ARHGAP19: variants seen among roughly 807,000 people sequenced by gnomAD.
ARHGAP19 encodes the protein rho GTPase-activating protein 19.
ARHGAP19 carries 48 observed loss-of-function variants against 60.9 expected under a neutral mutation model. That is an observed-to-expected ratio of 0.79 (90% CI 0.62 to 1.00). ARHGAP19 has a LOEUF of 1.00. Ranked by LOEUF, ARHGAP19 falls within the 50% of genes least tolerant of loss-of-function variation. The pLI is 0.00. For synonymous variants in ARHGAP19, 209 were observed against 215.5 expected (o/e 0.97, Z 0.27); for missense variants, 562 against 597.2 (o/e 0.94, Z 0.61).
At chr10:97,279,808 T>C (rs1336235715) in intron 1 of ARHGAP19, among the ~76,000 whole-genome samples, 1 of 152,120 alleles carries the variant, frequency 6.6e-6, no homozygotes, top group African/African-American at 2.4e-5. Context: ...AAACTAATAA[T>C]ACAACTTAAC....
chr10:97,226,762 A>G lies in ARHGAP19; in HGVS notation c.1475-630T>C, dbSNP rs553444532. 2.0e-5 allele frequency among the ~76,000 whole-genome samples: 3 copies of G among 152,386 alleles called. No homozygotes were observed. In the East Asian group the frequency reaches 5.8e-4, roughly 29 times the overall value. Reference sequence around the variant, plus strand: ...TCATACTAAGTGTCAATATTTTTGTAGCATTAATAAGTTCAAAGGAAAAAG... The same window carrying G: ...TCATACTAAGTGTCAATATTTTTGTGGCATTAATAAGTTCAAAGGAAAAAG... On this transcript the variant is annotated intron_variant, in intron 11 of 11. Transcript: ENST00000358531.
chr10:97,262,229 A>G (rs2134883132), intron 4 of ARHGAP19, among the ~76,000 whole-genome samples: 1 of 151,028 alleles, frequency 6.6e-6, no homozygotes, highest in Admixed American at 6.6e-5. Flanking sequence ...AACACTAACC[A>G]GTGTTACTGG....
intron 1 of ARHGAP19, among the ~76,000 whole-genome samples, chr10:97,276,837 T>G (rs1306975644): frequency 6.7e-4 from 4 of 5,926 alleles, no homozygotes; most frequent in African/African-American, 9.1e-4. Flanking sequence ...TGGGGGGGGG[T>G]CAGCCCCCCT....
At chr10:97,249,577 G>C (rs1475693307) in intron 6 of ARHGAP19, among the ~76,000 whole-genome samples, 1 of 152,032 alleles carries the variant, frequency 6.6e-6, no homozygotes, top group Non-Finnish European at 1.5e-5. Context: ...CTACAACACA[G>C]TTAACTTGAT....
rs780490667 is a variant in ARHGAP19 at position 97,256,280 on chromosome 10, T to C, written c.927+38A>G. On this transcript the variant is annotated intron_variant, in intron 6 of 11. Transcript: ENST00000358531. Reference sequence around the variant, plus strand: ...TAGGATCCCACCTTGCTCCATTTTCTTTGTCCTGTTACCAGCCAAATGCTA... The same window carrying C: ...TAGGATCCCACCTTGCTCCATTTTCCTTGTCCTGTTACCAGCCAAATGCTA... 3 of 1,496,348 alleles carry C rather than the reference T, an allele frequency of 2.0e-6. No homozygotes were observed. The Admixed American group carries it at 5.0e-5, about 25-fold the overall frequency. The allele number at this position is 1,496,348 out of a possible 1,614,324, so 92.7% of individuals were successfully genotyped here.
At chr10:97,231,264 G>C (rs1851011411) in intron 9 of ARHGAP19, among the ~76,000 whole-genome samples, 1 of 151,890 alleles carries the variant, frequency 6.6e-6, no homozygotes, top group Non-Finnish European at 1.5e-5. Context: ...GCACTTTTAG[G>C]ATTCTAGCTA....
intron 1 of ARHGAP19, chr10:97,270,765 C>T: frequency 1.7e-6 from 2 of 1,177,054 alleles, no homozygotes. Flanking sequence ...CATTATGGGG[C>T]CTGAAAGGCA....
chr10:97,238,237 G>A (rs948503070), intron 8 of ARHGAP19, among the ~76,000 whole-genome samples: 2 of 152,064 alleles, frequency 1.3e-5, no homozygotes, highest in South Asian at 2.1e-4. Flanking sequence ...ACGGGGTCTC[G>A]CTCTGTTGCC....
At chr10:97,238,257 G>C (rs928336924) in intron 8 of ARHGAP19, among the ~76,000 whole-genome samples, 11 of 152,208 alleles carry the variant, frequency 7.2e-5, no homozygotes, top group African/African-American at 2.7e-4. Flanking sequence ...CCAGGCTGGA[G>C]TGCAGTGGTG....
At chr10:97,251,320 G>GA (rs1842651436) in intron 6 of ARHGAP19, among the ~76,000 whole-genome samples, 1 of 45,818 alleles carries the variant, frequency 2.2e-5, no homozygotes, top group African/African-American at 9.4e-5. Flanking sequence ...GGAAGGGGAA[G>GA]GGAAGGGGAA....
intron 4 of ARHGAP19, among the ~76,000 whole-genome samples, chr10:97,261,515 A>G (rs1842829447): frequency 1.3e-5 from 2 of 152,176 alleles, no homozygotes; most frequent in Admixed American, 1.3e-4. Flanking sequence ...TTGTAAAAAG[A>G]ATATTTTCCA....
chr10:97,226,212 G>A (rs1850892134), intron 11 of ARHGAP19, 80 bp from the exon 12 acceptor site: 9 of 1,409,582 alleles, frequency 6.4e-6, no homozygotes, highest in Non-Finnish European at 7.9e-6. Context: ...AAAGCTACAG[G>A]GTCTACACTT....
chr10:97,270,781 T>C (rs1842951001), intron 1 of ARHGAP19: 3 of 947,016 alleles, frequency 3.2e-6, no homozygotes, highest in Non-Finnish European at 4.6e-6. Flanking sequence ...AGGCAGTACT[T>C]AGGACTCTGA....
chr10:97,265,857 T>TA lies in ARHGAP19; in HGVS notation c.322+2dup. ...GCCCACCCTTCACAAACACATCTCCTACCCTTTCGCTTGAGAGACATGAGA... is the reference window on the plus strand; with the variant it reads ...GCCCACCCTTCACAAACACATCTCCTAACCCTTTCGCTTGAGAGACATGAGA... On this transcript the variant is annotated splice_region_variant and intron_variant, in intron 2 of 11. Transcript: ENST00000358531. 1 of 1,614,072 alleles carries TA rather than the reference T, an allele frequency of 6.2e-7. No individual in the cohort carries two copies. Among genetic ancestry groups the TA allele is most frequent in the Non-Finnish European group, 8.5e-7 (1 of 1,179,968 alleles).
At chr10:97,286,852 T>C (rs1843162847) in intron 1 of ARHGAP19, among the ~76,000 whole-genome samples, 1 of 152,236 alleles carries the variant, frequency 6.6e-6, no homozygotes, top group African/African-American at 2.4e-5. Flanking sequence ...GAGAAGTAGC[T>C]TTATTTCATT....
At chr10:97,251,296 A>G in intron 6 of ARHGAP19, among the ~76,000 whole-genome samples, 1 of 49,304 alleles carries the variant, frequency 2.0e-5, no homozygotes. Context: ...AAGGAAGGGA[A>G]GGGGAAAAGG....
chr10:97,273,872 A>C (rs1842991008), intron 1 of ARHGAP19, among the ~76,000 whole-genome samples: 1 of 152,168 alleles, frequency 6.6e-6, no homozygotes, highest in Non-Finnish European at 1.5e-5. Flanking sequence ...TTTGTAATGG[A>C]ATATTACACA....
chr10:97,288,607 A>AC (rs1443066206), intron 1 of ARHGAP19, among the ~76,000 whole-genome samples: 3 of 149,902 alleles, frequency 2.0e-5, no homozygotes, highest in Admixed American at 6.7e-5. Context: ...AAGAACAACA[A>AC]AAAAAAAAGA....
chr10:97,233,039 C>A (rs1440403657), intron 9 of ARHGAP19, among the ~76,000 whole-genome samples: 2 of 152,054 alleles, frequency 1.3e-5, no homozygotes, highest in East Asian at 3.8e-4. Context: ...ATCCCAGCTA[C>A]TAGGGAGGCT....
Sources: gnomAD v4.1 joint callset for allele counts (sites outside exome capture counted in the v4.1 genomes callset) on GRCh38, gnomAD v4.1.1 for gene constraint, MANE v1.5 for transcripts, NCBI Gene and HGNC (gene_info 2026-07-23, HGNC 2026-07-21) for gene names.